The following GARIN5A variants were observed in gnomAD, a reference collection of about 807,000 sequenced individuals.
GARIN5A encodes the protein Golgi-associated RAB2 interactor protein 5A.
chr19:50,476,476 C>A, the GARIN5A span: 32 of 1,575,152 alleles, frequency 2.0e-5, no homozygotes, highest in Non-Finnish European at 2.6e-5. Flanking sequence ...AGGATGCGGC[C>A]TGTTCCTCCC....
chr19:50,475,339 G>GC, the GARIN5A span: 1 of 1,596,730 alleles, frequency 6.3e-7, no homozygotes, highest in Non-Finnish European at 8.6e-7. Flanking sequence ...AGAGTTGCAG[G>GC]TGTCCGTTCT....
chr19:50,476,223 G>A, the GARIN5A span: 151 of 1,613,682 alleles, frequency 9.4e-5, 1 homozygote, highest in South Asian at 1.3e-3. Flanking sequence ...TCCGACGGGA[G>A]CGGACGGAGG....
the GARIN5A span, among the ~76,000 whole-genome samples, chr19:50,471,940 AAGTATATATACATGTATG>A: frequency 1.2e-4 from 17 of 143,038 alleles, no homozygotes; most frequent in East Asian, 3.9e-4. Context: ...GTATGTGTGT[AAGTATATATACATGTATG>A]TATGTATATA....
At chr19:50,468,476 C>A in the GARIN5A span, among the ~76,000 whole-genome samples, 1 of 151,978 alleles carries the variant, frequency 6.6e-6, no homozygotes, top group African/African-American at 2.4e-5. Flanking sequence ...CACACGCAGC[C>A]TACTCCTCTT....
the GARIN5A span, chr19:50,475,733 C>T: frequency 5.7e-6 from 5 of 879,808 alleles, no homozygotes; most frequent in African/African-American, 8.3e-5. Flanking sequence ...GTCGGGAATC[C>T]CACGAGATGG....
chr19:50,476,026 C>A, the GARIN5A span: 1 of 1,605,704 alleles, frequency 6.2e-7, no homozygotes, highest in Middle Eastern at 1.7e-4. Context: ...CCGGCACAGC[C>A]CCGCGGAGAG....
At chr19:50,475,189 T>C in the GARIN5A span, 18 of 1,313,192 alleles carry the variant, frequency 1.4e-5, no homozygotes, top group Non-Finnish European at 1.8e-5. Flanking sequence ...CCCGGGTAGA[T>C]GGCAGCTCAG....
At chr19:50,466,853 A>C in the GARIN5A span, 1 of 152,798 alleles carries the variant, frequency 6.5e-6, no homozygotes. The surrounding 1 kb of genome is among the most constrained non-coding windows in gnomAD (Gnocchi z 4.9). Context: ...GAGGCAAGGT[A>C]CTTTGATCTC....
At chr19:50,476,737 G>A in the GARIN5A span, 1 of 902,180 alleles carries the variant, frequency 1.1e-6, no homozygotes, top group Non-Finnish European at 1.6e-6. Flanking sequence ...AGTTACAGAC[G>A]GAAGGAGGCT....
At chr19:50,472,232 GTA>G in the GARIN5A span, among the ~76,000 whole-genome samples, 313 of 80,426 alleles carry the variant, frequency 3.9e-3, 2 homozygotes, top group African/African-American at 0.015. Flanking sequence ...ATATATACAT[GTA>G]TGTGTGTATT....
At chr19:50,467,520 C>T in the GARIN5A span, 1 of 1,380,612 alleles carries the variant, frequency 7.2e-7, no homozygotes, top group East Asian at 2.5e-5. Context: ...CCCCTCTGCC[C>T]TCTGCTGCCC....
the GARIN5A span, among the ~76,000 whole-genome samples, chr19:50,471,754 A>ACCTG: frequency 4.6e-4 from 37 of 79,730 alleles, 2 homozygotes; most frequent in African/African-American, 2.2e-3. Context: ...GCATACATGC[A>ACCTG]TGTGTATACG....
chr19:50,474,770 G>A, the GARIN5A span, among the ~76,000 whole-genome samples: 1 of 151,734 alleles, frequency 6.6e-6, no homozygotes, highest in Non-Finnish European at 1.5e-5. Context: ...TACAGGTGTG[G>A]GCCACCGCAC....
chr19:50,471,801 T>C, the GARIN5A span, among the ~76,000 whole-genome samples: 3 of 148,490 alleles, frequency 2.0e-5, no homozygotes, highest in South Asian at 4.3e-4. Flanking sequence ...CATGCATGTG[T>C]ATACGCATAC....
chr19:50,476,634 C>A, the GARIN5A span: 1 of 1,548,166 alleles, frequency 6.5e-7, no homozygotes, highest in Non-Finnish European at 8.7e-7. Context: ...GCAGCGGCTG[C>A]CGGGCCGGGA....
chr19:50,467,806 T>C, the GARIN5A span: 7 of 1,613,282 alleles, frequency 4.3e-6, no homozygotes, highest in Non-Finnish European at 5.9e-6. Context: ...GACAAAGAGC[T>C]GGACGAACTT....
the GARIN5A span, chr19:50,476,432 A>G: frequency 3.2e-6 from 5 of 1,549,070 alleles, no homozygotes; most frequent in Non-Finnish European, 4.3e-6. Context: ...GCCAGTGCGC[A>G]GGTGCCGGGG....
chr19:50,474,888 G>T, the GARIN5A span, among the ~76,000 whole-genome samples: 1 of 152,158 alleles, frequency 6.6e-6, no homozygotes, highest in African/African-American at 2.4e-5. Context: ...GACAAGCTTG[G>T]CATTCCAATC....
At chr19:50,471,780 G>A in the GARIN5A span, among the ~76,000 whole-genome samples, 1 of 148,720 alleles carries the variant, frequency 6.7e-6, no homozygotes, top group African/African-American at 2.5e-5. Flanking sequence ...ATACCTGTGT[G>A]TATACGCATA....
Sources: gnomAD v4.1 joint callset for allele counts (sites outside exome capture counted in the v4.1 genomes callset) on GRCh38, gnomAD v4.1.1 for gene constraint, Gnocchi (gnomAD v3.1) non-coding constraint, MANE v1.5 for transcripts, NCBI Gene and HGNC (gene_info 2026-07-23, HGNC 2026-07-21) for gene names.